The following CYFIP2 variants were observed in gnomAD, a reference collection of about 807,000 sequenced individuals.
The protein encoded by CYFIP2 is cytoplasmic FMR1-interacting protein 2.
CYFIP2 carries 29 observed loss-of-function variants against 158.7 expected under a neutral mutation model. That is an observed-to-expected ratio of 0.18 (90% CI 0.14 to 0.25). The LOEUF (loss-of-function observed/expected upper bound fraction) is 0.25, where lower values mean the gene tolerates loss of function less well. Among genes scored for constraint, CYFIP2 ranks in the 10% least tolerant of loss-of-function variants. The pLI is 1.00. For synonymous variants in CYFIP2, 585 were observed against 617.6 expected (o/e 0.95, Z 0.78); for missense variants, 852 against 1,639.5 (o/e 0.52, Z 8.29).
chr5:157,358,068 A>G (rs1561761489), intron 23 of CYFIP2, among the ~76,000 whole-genome samples: 1 of 152,156 alleles, frequency 6.6e-6, no homozygotes, highest in Non-Finnish European at 1.5e-5. Context: ...CGGGTGGATT[A>G]AACAATAGTG....
intron 18 of CYFIP2, 67 bp from the exon 19 acceptor site, chr5:157,327,906 A>G: frequency 6.7e-7 from 1 of 1,486,508 alleles, no homozygotes; most frequent in Non-Finnish European, 9.3e-7. Flanking sequence ...GCTGTCTTTC[A>G]GTTGGCTCAG....
At position 157,360,319 on chromosome 5, in the gene CYFIP2, T is replaced by C. The variant is rs1231557512; in HGVS notation, c.2855T>C (p.Ile952Thr). Reference protein sequence around the residue: ...GTILQYVKTLIEVMPKICRLP... With the variant: ...GTILQYVKTLTEVMPKICRLP... ...ATTCTCCAGTATGTGAAAACACTGA[T>C]AGAGGTGATGCCCAAGATATGCCGC... Residue 952 changes from isoleucine to threonine, a missense_variant, in exon 25 of 31, where the codon ATA (isoleucine) becomes ACA (threonine). This residue lies in a region of CYFIP2 where 3 missense variants were observed against 25.9 expected (regional missense o/e 0.12). Coordinates refer to ENST00000620254, the MANE Select transcript of CYFIP2 (RefSeq NM_001037333.3). The C allele has an allele frequency of 1.2e-6, 2 of 1,613,758 alleles. No individual in the cohort carries two copies. The highest frequency in any genetic ancestry group is 1.3e-5 in the African/African-American group (1 of 74,934).
intron 23 of CYFIP2, among the ~76,000 whole-genome samples, chr5:157,347,925 C>T (rs561022918): frequency 6.6e-6 from 1 of 152,354 alleles, no homozygotes; most frequent in African/African-American, 2.4e-5. Context: ...TCCCGCTCCT[C>T]TGAGCTGTCG....
chr5:157,343,222 G>A (rs760054333), intron 23 of CYFIP2: 20 of 1,614,216 alleles, frequency 1.2e-5, no homozygotes, highest in Non-Finnish European at 1.7e-5. Context: ...GGTCTACCAG[G>A]GAGCTTCCAG....
Position 157,275,357 on chromosome 5 carries a change from A to G in CYFIP2, c.-24+9162A>G, listed in dbSNP as rs370682033. Reference sequence around the variant, plus strand: ...TTACATTATTTATACCTCACACCATAAAACAAATTTTGCATGTGGGTATCC... The same window carrying G: ...TTACATTATTTATACCTCACACCATGAAACAAATTTTGCATGTGGGTATCC... On this transcript the variant is annotated intron_variant, in intron 1 of 30. Coordinates refer to ENST00000620254, the MANE Select transcript of CYFIP2 (RefSeq NM_001037333.3). Among the ~76,000 whole-genome samples, 10 of 152,340 alleles carry G rather than the reference A, an allele frequency of 6.6e-5. 1 individual carries two copies. The highest frequency in any genetic ancestry group is 5.9e-4 in the Admixed American group (9 of 15,306).
chr5:157,356,196 G>A (rs1279119714), intron 23 of CYFIP2, among the ~76,000 whole-genome samples: 3 of 152,110 alleles, frequency 2.0e-5, no homozygotes, highest in Non-Finnish European at 4.4e-5. Flanking sequence ...AGTGTTTGGT[G>A]AGGGCCCACT....
At chr5:157,339,950 T>C (rs192469739) in intron 22 of CYFIP2, among the ~76,000 whole-genome samples, 25 of 152,324 alleles carry the variant, frequency 1.6e-4, no homozygotes, top group Non-Finnish European at 3.1e-4. Flanking sequence ...TCGTGCATTT[T>C]TATTAACCCT....
chr5:157,328,201 A>G (rs1761176261), intron 19 of CYFIP2, among the ~76,000 whole-genome samples, 152 bp downstream of exon 19: 1 of 152,220 alleles, frequency 6.6e-6, no homozygotes, highest in African/African-American at 2.4e-5. Flanking sequence ...TAGAGTGGAA[A>G]GGAAACTAGG....
At chr5:157,356,713 A>C (rs1318629218) in intron 23 of CYFIP2, among the ~76,000 whole-genome samples, 2 of 152,200 alleles carry the variant, frequency 1.3e-5, no homozygotes, top group Non-Finnish European at 2.9e-5. Context: ...GCAAAAACTA[A>C]GCTGCACTCG....
At chr5:157,316,935 G>A (rs1760195465) in intron 13 of CYFIP2, among the ~76,000 whole-genome samples, 1 of 152,128 alleles carries the variant, frequency 6.6e-6, no homozygotes, top group Non-Finnish European at 1.5e-5. Flanking sequence ...AGTGGCTCCA[G>A]ACCCCTTGGC....
intron 5 of CYFIP2, 66 bp downstream of exon 5, chr5:157,296,840 G>C (rs867813222): frequency 5.4e-6 from 7 of 1,303,380 alleles, no homozygotes; most frequent in Non-Finnish European, 5.4e-6. Context: ...TAACCACTGG[G>C]GTCTGCAGTT....
intron 28 of CYFIP2, among the ~76,000 whole-genome samples, chr5:157,387,203 G>T (rs941669160): frequency 5.9e-5 from 9 of 152,124 alleles, no homozygotes; most frequent in African/African-American, 2.2e-4. Flanking sequence ...TCATCTCTGG[G>T]TAATGAGGTT....
At chr5:157,278,223 C>T (rs1373251030) in intron 1 of CYFIP2, among the ~76,000 whole-genome samples, 1 of 151,456 alleles carries the variant, frequency 6.6e-6, no homozygotes, top group Non-Finnish European at 1.5e-5. Context: ...TATGTGTGTG[C>T]AGTATGTTTG....
intron 4 of CYFIP2, 54 bp downstream of exon 4, chr5:157,294,914 C>G (rs531026067): frequency 7.1e-7 from 1 of 1,415,960 alleles, no homozygotes; most frequent in East Asian, 2.3e-5. Flanking sequence ...ATTACTAACC[C>G]CTACTTCATC....
intron 11 of CYFIP2, among the ~76,000 whole-genome samples, chr5:157,313,091 C>T (rs911853148): frequency 1.3e-5 from 2 of 152,154 alleles, no homozygotes; most frequent in African/African-American, 2.4e-5. Context: ...ATTATATGCT[C>T]TATACATGTT....
At chr5:157,334,663 A>T (rs1434477876) in intron 21 of CYFIP2, among the ~76,000 whole-genome samples, 1 of 152,172 alleles carries the variant, frequency 6.6e-6, no homozygotes, top group Non-Finnish European at 1.5e-5. Flanking sequence ...AAAATATCAG[A>T]TGAACCCAAA....
intron 28 of CYFIP2, among the ~76,000 whole-genome samples, chr5:157,386,735 C>T (rs1182371177): frequency 6.6e-6 from 1 of 152,060 alleles, no homozygotes; most frequent in Non-Finnish European, 1.5e-5. Flanking sequence ...GCCTGGCCAA[C>T]GTGGTGAAAC....
At chr5:157,381,529 C>CAAAAAA (rs1281249714) in intron 26 of CYFIP2, among the ~76,000 whole-genome samples, 5 of 102,806 alleles carry the variant, frequency 4.9e-5, no homozygotes, top group East Asian at 6.1e-4. Context: ...CTCCGTTTCA[C>CAAAAAA]AAAAAAAAAA....
intron 28 of CYFIP2, among the ~76,000 whole-genome samples, chr5:157,383,913 C>T (rs1766379611): frequency 6.6e-6 from 1 of 152,130 alleles, no homozygotes; most frequent in Non-Finnish European, 1.5e-5. Flanking sequence ...AGATCATAGG[C>T]ACAGTCAATT....
Sources: allele counts gnomAD v4.1 joint callset (sites outside exome capture counted in the v4.1 genomes callset), GRCh38; gene constraint gnomAD v4.1.1; regional missense constraint gnomAD v4.1.1; transcripts MANE v1.5; gene names NCBI Gene and HGNC (gene_info 2026-07-23, HGNC 2026-07-21).